Variants in BRINP1 observed in about 807,000 individuals in gnomAD.
BRINP1 encodes the protein BMP/retinoic acid-inducible neural-specific protein 1.
BRINP1 carries 17 observed loss-of-function variants against 72.9 expected under a neutral mutation model. The observed-to-expected ratio is 0.23, with a 90% CI of 0.16 to 0.35. The LOEUF (loss-of-function observed/expected upper bound fraction) is 0.35. Ranked by LOEUF, BRINP1 falls within the 10% of genes least tolerant of loss-of-function variation. The probability of loss-of-function intolerance (pLI) is 1.00; values close to 1 mark genes in which losing one functional copy is unlikely to be tolerated. For synonymous variants in BRINP1, 418 were observed against 378.5 expected (o/e 1.10, Z -1.21); for missense variants, 850 against 1,001.6 (o/e 0.85, Z 2.04).
At chr9:119,172,934 C>T (rs1829434198) in intron 7 of BRINP1, among the ~76,000 whole-genome samples, 1 of 150,888 alleles carries the variant, frequency 6.6e-6, no homozygotes, top group African/African-American at 2.5e-5. Context: ...TTCAACCACC[C>T]TTCATGCTAA....
chr9:119,330,090 T>C (rs142465026), intron 1 of BRINP1, among the ~76,000 whole-genome samples: 1 of 152,308 alleles, frequency 6.6e-6, no homozygotes, highest in South Asian at 2.1e-4. Flanking sequence ...CAGTGAGGGA[T>C]GTGAACATAT....
chr9:119,261,159 C>G (rs1044073566), intron 2 of BRINP1, among the ~76,000 whole-genome samples: 1 of 152,150 alleles, frequency 6.6e-6, no homozygotes, highest in Non-Finnish European at 1.5e-5. Context: ...GCAGAGTTTG[C>G]ATAACTGATT....
Position 119,315,109 on chromosome 9 carries a change from T to C in BRINP1, c.-50-1704A>G, listed in dbSNP as rs370740011. ...CTCTGAGCTATAGTTGCTCATTTTC[T>C]GTAACTGCATTTTAGCCCTTATCAC... On this transcript the variant is annotated intron_variant, in intron 1 of 7. Transcript: ENST00000265922. 8.5e-5 allele frequency among the ~76,000 whole-genome samples: 13 copies of C among 152,346 alleles called. No individual in the cohort carries two copies. The South Asian group carries it at 2.7e-3, about 32-fold the overall frequency.
At chr9:119,329,916 A>T (rs117774534) in intron 1 of BRINP1, among the ~76,000 whole-genome samples, 1 of 152,318 alleles carries the variant, frequency 6.6e-6, no homozygotes, top group Non-Finnish European at 1.5e-5. Context: ...TGAATCCACT[A>T]GCCAGTGATA....
intron 7 of BRINP1, among the ~76,000 whole-genome samples, chr9:119,196,389 C>A (rs567124105): frequency 6.6e-6 from 1 of 152,286 alleles, no homozygotes. Flanking sequence ...AATCCTCTTA[C>A]ACCCAAAAGA....
chr9:119,279,976 G>T (rs1016912519), intron 2 of BRINP1, among the ~76,000 whole-genome samples: 3 of 151,766 alleles, frequency 2.0e-5, no homozygotes, highest in Non-Finnish European at 4.4e-5. Flanking sequence ...TACCTCAAAA[G>T]AAGAAAAATG....
At chr9:119,205,576 C>G (rs559024727) in intron 7 of BRINP1, among the ~76,000 whole-genome samples, 5 of 152,280 alleles carry the variant, frequency 3.3e-5, no homozygotes, top group African/African-American at 1.2e-4. Context: ...TAGGACAAAT[C>G]CAGACTCCTT....
chr9:119,167,636 G>C lies in BRINP1; in HGVS notation c.1734C>G (p.Pro578=), dbSNP rs552169514. 2.0e-5 allele frequency: 33 copies of C among 1,613,954 alleles called. No homozygotes were observed. Among genetic ancestry groups the C allele is most frequent in the Admixed American group, 3.3e-5 (2 of 60,010 alleles). Residue 578 remains proline, a synonymous_variant, in exon 8 of 8, where the codon CCC becomes CCG. Transcript: ENST00000265922. This position sits in a 1 kb window ranked among gnomAD's most constrained non-coding sequence, Gnocchi z 4.3. ...AGCGTGGGTAGCCAAATTCCCCGAAGGGCATGTTCCAGCCCTCCGAATGGC... is the reference window on the plus strand; with the variant it reads ...AGCGTGGGTAGCCAAATTCCCCGAACGGCATGTTCCAGCCCTCCGAATGGC... The part of the protein sequence containing the change: ...SGSHSEGWNM[P]FGEFGYPRWE...
intron 1 of BRINP1, among the ~76,000 whole-genome samples, chr9:119,356,817 A>C (rs1182748238): frequency 2.6e-5 from 4 of 151,998 alleles, no homozygotes; most frequent in African/African-American, 2.4e-5. Flanking sequence ...AAAAAAAAAA[A>C]ACAAAAGTTT....
At chr9:119,327,657 G>GAAAA (rs1247116333) in intron 1 of BRINP1, among the ~76,000 whole-genome samples, 1 of 152,006 alleles carries the variant, frequency 6.6e-6, no homozygotes, top group Admixed American at 6.6e-5. Flanking sequence ...TAGATGGAAA[G>GAAAA]AAAAAAATGA....
rs1829450866 is a variant in BRINP1, at chr9:119,174,023, A to G, written c.1146-5799T>C. Among the ~76,000 whole-genome samples the G allele has an allele frequency of 2.6e-5, 3 of 115,778 alleles. 1 individual carries two copies. The highest frequency in any genetic ancestry group is 2.3e-4 in the Admixed American group (3 of 13,000). The allele number at this position is 115,778 out of a possible 152,430, so 76.0% of individuals were successfully genotyped here. On this transcript the variant is annotated intron_variant, in intron 7 of 7. Coordinates refer to ENST00000265922, the MANE Select transcript of BRINP1 (RefSeq NM_014618.3). ...TAAAGACTTAAACGTTAGACAGAAA[A>G]CCTAGGCATTACCATTCAGGACATA... is the stretch of plus-strand genomic sequence containing the variant.
chr9:119,312,628 A>G (rs911244958), intron 2 of BRINP1, among the ~76,000 whole-genome samples: 2 of 152,160 alleles, frequency 1.3e-5, no homozygotes, highest in African/African-American at 4.8e-5. Context: ...TATTTTTCCA[A>G]ATGTTTGAAT....
At chr9:119,243,129 C>A (rs1199905360) in intron 3 of BRINP1, among the ~76,000 whole-genome samples, 1 of 152,000 alleles carries the variant, frequency 6.6e-6, no homozygotes, top group Non-Finnish European at 1.5e-5. Flanking sequence ...CAAACGTATG[C>A]CATGGTGGTT....
chr9:119,305,544 G>A (rs757187271), intron 2 of BRINP1, among the ~76,000 whole-genome samples: 1 of 152,124 alleles, frequency 6.6e-6, no homozygotes. Flanking sequence ...GACTTCACAG[G>A]TGCTATTCCA....
chr9:119,361,148 C>G (rs1391320906), intron 1 of BRINP1, among the ~76,000 whole-genome samples: 1 of 152,188 alleles, frequency 6.6e-6, no homozygotes, highest in Admixed American at 6.5e-5. Flanking sequence ...TTCACTTTCT[C>G]TCTCATACCC....
chr9:119,346,640 C>T (rs1193560661), intron 1 of BRINP1, among the ~76,000 whole-genome samples: 1 of 152,030 alleles, frequency 6.6e-6, no homozygotes, highest in East Asian at 1.9e-4. Flanking sequence ...ACAATTCCAA[C>T]AGGCAGAGAT....
At chr9:119,232,340 T>C (rs551151291) in intron 5 of BRINP1, among the ~76,000 whole-genome samples, 2 of 152,324 alleles carry the variant, frequency 1.3e-5, no homozygotes, top group African/African-American at 4.8e-5. Context: ...ATCCTACAAC[T>C]GTTCTTGCCC....
chr9:119,270,435 G>A (rs540063665), intron 2 of BRINP1, among the ~76,000 whole-genome samples: 1 of 152,308 alleles, frequency 6.6e-6, no homozygotes, highest in Middle Eastern at 3.4e-3. Context: ...GGAGATTAAG[G>A]ACAGTAGCTT....
intron 5 of BRINP1, among the ~76,000 whole-genome samples, chr9:119,230,048 G>A (rs1356523671): frequency 6.6e-6 from 1 of 151,994 alleles, no homozygotes; most frequent in Non-Finnish European, 1.5e-5. Flanking sequence ...ATGGCCTGGG[G>A]AGGGGAGTTT....
Sources: gnomAD v4.1 joint callset for allele counts (sites outside exome capture counted in the v4.1 genomes callset) on GRCh38, gnomAD v4.1.1 for gene constraint, Gnocchi (gnomAD v3.1) non-coding constraint, MANE v1.5 for transcripts, NCBI Gene and HGNC (gene_info 2026-07-23, HGNC 2026-07-21) for gene names.